The following EIF4H variants were observed in gnomAD, a reference collection of about 807,000 sequenced individuals.
EIF4H encodes the protein Williams-Beuren syndrome chromosome region 1.
Under a neutral mutation model 30.6 loss-of-function variants are expected in EIF4H, and 8 were observed. That is an observed-to-expected ratio of 0.26 (90% CI 0.15 to 0.47). The LOEUF is 0.47. Ranked by LOEUF, EIF4H falls within the 20% of genes least tolerant of loss-of-function variation. The pLI, the probability that EIF4H is intolerant of heterozygous loss-of-function variation, is 0.99. For missense variants in EIF4H, 188 were observed against 339.5 expected, an observed-to-expected ratio of 0.55 and a Z score of 3.51; for synonymous variants, 106 against 122.7, an observed-to-expected ratio of 0.86 and a Z score of 0.90.
At chr7:74,182,835 G>A (rs181474247) in intron 1 of EIF4H, among the ~76,000 whole-genome samples, 1 of 152,182 alleles carries the variant, frequency 6.6e-6, no homozygotes, top group African/African-American at 2.4e-5. Flanking sequence ...ATCTTTTCTG[G>A]CTCACCCTAA....
At chr7:74,184,773 C>T (rs1286336807) in intron 1 of EIF4H, among the ~76,000 whole-genome samples, 6 of 152,126 alleles carry the variant, frequency 3.9e-5, no homozygotes, top group African/African-American at 1.4e-4. Flanking sequence ...GTGACACAGT[C>T]TCAGCTCACT....
At chr7:74,187,385 T>G (rs1160729117) in intron 1 of EIF4H, among the ~76,000 whole-genome samples, 2 of 152,146 alleles carry the variant, frequency 1.3e-5, no homozygotes, top group Non-Finnish European at 2.9e-5. Flanking sequence ...GAGCCAAGAT[T>G]GTGCCACTGC....
chr7:74,182,292 A>G (rs1017368255), intron 1 of EIF4H, among the ~76,000 whole-genome samples: 39 of 152,234 alleles, frequency 2.6e-4, no homozygotes, highest in Admixed American at 1.4e-3. Context: ...TAGGTAGTAT[A>G]AATGGTATTT....
chr7:74,186,739 A>G (rs1192577438), intron 1 of EIF4H, among the ~76,000 whole-genome samples: 2 of 149,512 alleles, frequency 1.3e-5, no homozygotes, highest in Non-Finnish European at 3.0e-5. Flanking sequence ...GTGACATCTA[A>G]AATTTTTATT....
chr7:74,190,381 C>A, intron 5 of EIF4H, 75 bp downstream of exon 5: 3 of 1,436,304 alleles, frequency 2.1e-6, no homozygotes, highest in Non-Finnish European at 2.9e-6. Flanking sequence ...TTACGAGTAG[C>A]CCGCCTGGCC....
Position 74,187,758 on chromosome 7 carries a change from T to C in EIF4H, c.207T>C (p.Ser69=). The C allele has an allele frequency of 6.2e-7, 1 of 1,612,410 alleles. No homozygotes were observed. The highest frequency in any genetic ancestry group is 8.5e-7 in the Non-Finnish European group (1 of 1,179,070). ...DAIFKDLSIR[S]VRLVRDKDTD... is the part of the protein sequence containing the mutation. ...TCTTTAAGGATCTCAGCATAAGGAG[T>C]GTACGGCTAGTCAGAGACAAAGACA... The change falls in exon 2 of 7, where the codon AGT becomes AGC. Residue 69 remains serine (S), a synonymous_variant. Coordinates refer to ENST00000265753, the MANE Select transcript of EIF4H (RefSeq NM_022170.2).
In EIF4H at chr7:74,183,054, T is replaced by A. The variant is rs921627381; in HGVS notation, c.60-4557T>A. On this transcript the variant is annotated intron_variant, in intron 1 of 6. Coordinates refer to ENST00000265753, the MANE Select transcript of EIF4H (RefSeq NM_022170.2). ...TTGAGGGCAGAAACCGAGTCTTAGG[T>A]TTGTGCCTTCTCTACATTCTCTCCA... 1.2e-4 allele frequency among the ~76,000 whole-genome samples: 18 copies of A among 152,292 alleles called. No individual in the cohort carries two copies. The East Asian group carries it at 3.3e-3, about 28-fold the overall frequency.
At chr7:74,181,149 C>T (rs1554708348) in intron 1 of EIF4H, among the ~76,000 whole-genome samples, 2 of 152,150 alleles carry the variant, frequency 1.3e-5, no homozygotes, top group African/African-American at 4.8e-5. Flanking sequence ...AAACTCTATA[C>T]CCACTAAACA....
chr7:74,174,619 C>G (rs12536906), intron 1 of EIF4H, among the ~76,000 whole-genome samples, 177 bp downstream of exon 1: 2,386 of 152,218 alleles, frequency 0.016, 31 homozygotes, highest in Non-Finnish European at 0.024. Context: ...GACGGGGCGG[C>G]GGCGGCTGGG....
intron 1 of EIF4H, among the ~76,000 whole-genome samples, chr7:74,178,048 C>T (rs1457642370): frequency 3.3e-5 from 5 of 152,116 alleles, no homozygotes; most frequent in Non-Finnish European, 5.9e-5. Flanking sequence ...TCAAGCCATC[C>T]TCCCACCTCA....
chr7:74,191,097 A>G, intron 5 of EIF4H: 1 of 504,638 alleles, frequency 2.0e-6, no homozygotes, highest in East Asian at 5.7e-5. Context: ...TATGGGAGGG[A>G]CTGGTGCACG....
intron 1 of EIF4H, among the ~76,000 whole-genome samples, chr7:74,186,788 ATTTTTTTTTTTTTTTTTTTTTTTTTT>A (rs564794579): frequency 0.3 from 20,974 of 69,656 alleles, 3,804 homozygotes; most frequent in Middle Eastern, 0.51. Context: ...ACAAGGAGAA[ATTTTTTTTTTTTTTTTTTTTTTTTTT>A]TTTTTTTTTT....
rs113539638 is a variant in EIF4H, at chr7:74,194,959, G to A, written c.607+81G>A. On this transcript the variant is annotated intron_variant, in intron 6 of 6. Coordinates refer to ENST00000265753, the MANE Select transcript of EIF4H (RefSeq NM_022170.2). ...GGTTCACACCCCGTGGGGACTTGGCGTTCTACGGCACACAGAGTTGTCGGC... is the reference window on the plus strand; with the variant it reads ...GGTTCACACCCCGTGGGGACTTGGCATTCTACGGCACACAGAGTTGTCGGC... 1.0e-4 allele frequency: 154 copies of A among 1,522,814 alleles called. 2 individuals are homozygous for A. The Middle Eastern group carries it at 1.6e-3, about 16-fold the overall frequency. 94.3% of individuals were successfully genotyped at this position (1,522,814 alleles called of 1,614,324 possible). A position where few individuals can be genotyped will look rare whatever the true frequency, so the allele number is the denominator to read the frequency against.
chr7:74,185,933 A>AT (rs3081809), intron 1 of EIF4H, among the ~76,000 whole-genome samples: 4 of 151,552 alleles, frequency 2.6e-5, no homozygotes, highest in Non-Finnish European at 4.4e-5. Context: ...CACCCCCTTA[A>AT]TTTTTTTTTC....
intron 5 of EIF4H, 104 bp from the exon 6 acceptor site, chr7:74,194,637 T>G (rs1314704796): frequency 7.0e-7 from 1 of 1,433,502 alleles, no homozygotes; most frequent in Non-Finnish European, 9.2e-7. Flanking sequence ...GTGGACAAAC[T>G]AAAGAATTTA....
chr7:74,193,662 A>C (rs1381278690), intron 5 of EIF4H, among the ~76,000 whole-genome samples: 1 of 151,356 alleles, frequency 6.6e-6, no homozygotes, highest in East Asian at 1.9e-4. Flanking sequence ...ACCCAGGCTG[A>C]AGTGTAATGG....
rs138158412 is a variant in EIF4H at position 74,195,215 on chromosome 7, C to T, written c.654C>T (p.Val218=). The stretch of plus-strand genomic sequence containing the variant: ...GACTCCAGCTTAAACCTCGAACAGT[C>T]GCGACGCCCCTCAATCAAGTAGCCA... ...RPRLQLKPRT[V]ATPLNQVANP... is the part of the protein sequence containing the mutation. The change falls in exon 7 of 7, where the codon GTC becomes GTT. Residue 218 remains valine (V), a synonymous_variant. Transcript: ENST00000265753. The T allele has an allele frequency of 1.6e-4, 260 of 1,613,940 alleles. 1 individual carries two copies. Among genetic ancestry groups the T allele is most frequent in the South Asian group, 5.3e-4 (48 of 91,070 alleles).
chr7:74,190,551 T>C (rs1178807409), intron 5 of EIF4H, among the ~76,000 whole-genome samples: 2 of 152,338 alleles, frequency 1.3e-5, no homozygotes, highest in African/African-American at 4.8e-5. Context: ...TGTACGGGCC[T>C]GGGTCCTTGA....
rs1468389231 is a variant in EIF4H, at chr7:74,195,575, C to T, written c.*267C>T. 6 of 327,020 alleles carry T rather than the reference C, an allele frequency of 1.8e-5. No individual in the cohort carries two copies. Among genetic ancestry groups the T allele is most frequent in the African/African-American group, 8.6e-5 (4 of 46,758 alleles). 20.3% of individuals were successfully genotyped at this position (327,020 alleles called of 1,614,324 possible). Reference sequence around the variant, plus strand: ...TTCCTTCTGTCCTTTTTCTCCTGCTCCTTGTTTTCCCAGCAGCACATGGGG... The same window carrying T: ...TTCCTTCTGTCCTTTTTCTCCTGCTTCTTGTTTTCCCAGCAGCACATGGGG... On this transcript the variant is annotated 3_prime_UTR_variant, in exon 7 of 7. Transcript: ENST00000265753.
Sources: gnomAD v4.1 joint callset for allele counts (sites outside exome capture counted in the v4.1 genomes callset) on GRCh38, gnomAD v4.1.1 for gene constraint, MANE v1.5 for transcripts, NCBI Gene and HGNC (gene_info 2026-07-23, HGNC 2026-07-21) for gene names.